The following IGSF21 variants were observed in gnomAD, a reference collection of about 807,000 sequenced individuals.
IGSF21 encodes immunoglobin superfamily member 21.
Under a neutral mutation model 46.8 loss-of-function variants are expected in IGSF21, and 28 were observed. The observed-to-expected ratio is 0.60, with a 90% CI of 0.44 to 0.82. IGSF21 has a LOEUF of 0.82. IGSF21 is among the 40% of genes least tolerant of loss of function. IGSF21 has a pLI of 0.00. For synonymous variants in IGSF21, 284 were observed against 273.6 expected (o/e 1.04, Z -0.38); for missense variants, 624 against 665.5 (o/e 0.94, Z 0.69).
intron 1 of IGSF21, 94 bp downstream of exon 1, chr1:18,108,292 C>G (rs1217187333): frequency 8.3e-7 from 1 of 1,208,878 alleles, no homozygotes; most frequent in East Asian, 3.3e-5. Flanking sequence ...CTCCGAGAGG[C>G]TCGGGCTACG....
rs1433594649 is a variant in IGSF21 at position 18,305,473 on chromosome 1, GGATGGATGGATGGAT to G, written c.305+13503_305+13517del. Among the ~76,000 whole-genome samples the G allele has an allele frequency of 2.0e-4, 28 of 141,184 alleles. No individual in the cohort carries two copies. In the East Asian group the frequency reaches 5.9e-3, roughly 30 times the overall value. 92.6% of individuals were successfully genotyped at this position (141,184 alleles called of 152,430 possible). On this transcript the variant is annotated intron_variant, in intron 3 of 9. Coordinates refer to ENST00000251296, the MANE Select transcript of IGSF21 (RefSeq NM_032880.5). ...ATGCATGCATGCATGGATGACAGAT[GGATGGATGGATGGAT>G]GATGGATGGATGGATGGATGGATGA...
chr1:18,285,678 A>G (rs2085206229), intron 2 of IGSF21, among the ~76,000 whole-genome samples: 1 of 152,190 alleles, frequency 6.6e-6, no homozygotes, highest in East Asian at 1.9e-4. Context: ...TGCTCTCAGC[A>G]TGGGGAAGAA....
chr1:18,274,213 A>G (rs1021134206), intron 2 of IGSF21, among the ~76,000 whole-genome samples: 6 of 152,212 alleles, frequency 3.9e-5, no homozygotes, highest in Non-Finnish European at 7.3e-5. Context: ...TCAGGTATCT[A>G]TGGCAAAGGC....
chr1:18,162,693 AC>A (rs2086638548), intron 1 of IGSF21, among the ~76,000 whole-genome samples: 1 of 152,132 alleles, frequency 6.6e-6, no homozygotes, highest in African/African-American at 2.4e-5. Context: ...TTGGGATGTA[AC>A]TCCACTGTAA....
intron 3 of IGSF21, among the ~76,000 whole-genome samples, chr1:18,292,726 C>T (rs1436322547): frequency 1.3e-5 from 2 of 152,192 alleles, no homozygotes; most frequent in African/African-American, 4.8e-5. Flanking sequence ...ATCTGGTAAA[C>T]TCCTCATCAG....
intron 4 of IGSF21, among the ~76,000 whole-genome samples, chr1:18,349,714 T>C (rs1198022174): frequency 6.6e-6 from 1 of 152,182 alleles, no homozygotes; most frequent in Non-Finnish European, 1.5e-5. Context: ...CTTTACGTAG[T>C]GCTCACAAGA....
intron 2 of IGSF21, among the ~76,000 whole-genome samples, chr1:18,266,529 A>T (rs2084991299): frequency 6.6e-6 from 1 of 152,204 alleles, no homozygotes. Flanking sequence ...GGACAACAGG[A>T]GTGACCAACT....
At chr1:18,143,150 G>C (rs1472381123) in intron 1 of IGSF21, among the ~76,000 whole-genome samples, 1 of 152,226 alleles carries the variant, frequency 6.6e-6, no homozygotes, top group Non-Finnish European at 1.5e-5. Context: ...CATCTGTAGA[G>C]GAGGACCCTG....
chr1:18,377,457 T>G, intron 9 of IGSF21, 26 bp downstream of exon 9: 1 of 1,605,214 alleles, frequency 6.2e-7, no homozygotes, highest in Non-Finnish European at 8.5e-7. Flanking sequence ...CAGGATTTTT[T>G]GCTTAAAAGG....
intron 3 of IGSF21, among the ~76,000 whole-genome samples, chr1:18,307,970 G>A (rs891881250): frequency 9.9e-5 from 15 of 152,194 alleles, no homozygotes; most frequent in South Asian, 4.2e-4. Flanking sequence ...AAATGCAATC[G>A]TCATCTTAAG....
At chr1:18,139,757 ACT>A (rs2086398737) in intron 1 of IGSF21, among the ~76,000 whole-genome samples, 1 of 151,258 alleles carries the variant, frequency 6.6e-6, no homozygotes, top group South Asian at 2.1e-4. Flanking sequence ...GCCTGGCTGT[ACT>A]CTCTGTATTT....
At chr1:18,128,422 G>T (rs1379479422) in intron 1 of IGSF21, among the ~76,000 whole-genome samples, 1 of 152,120 alleles carries the variant, frequency 6.6e-6, no homozygotes, top group Non-Finnish European at 1.5e-5. Flanking sequence ...GGCGTCTCCT[G>T]GCCAGGGCGT....
chr1:18,364,299 G>A (rs1416301738), intron 5 of IGSF21, among the ~76,000 whole-genome samples: 1 of 151,590 alleles, frequency 6.6e-6, no homozygotes, highest in Non-Finnish European at 1.5e-5. Flanking sequence ...ATAAATGGGG[G>A]AAAAAAAACC....
At chr1:18,266,998 T>C (rs1255031322) in intron 2 of IGSF21, among the ~76,000 whole-genome samples, 1 of 152,130 alleles carries the variant, frequency 6.6e-6, no homozygotes, top group East Asian at 1.9e-4. Context: ...GAGACAATAT[T>C]TGACCTCCAG....
At chr1:18,158,367 G>A (rs74055919) in intron 1 of IGSF21, among the ~76,000 whole-genome samples, 1 of 152,202 alleles carries the variant, frequency 6.6e-6, no homozygotes, top group Non-Finnish European at 1.5e-5. Context: ...GAGGTAAGAG[G>A]CATATAATGA....
chr1:18,150,610 C>A (rs991171458), intron 1 of IGSF21, among the ~76,000 whole-genome samples: 2 of 152,174 alleles, frequency 1.3e-5, no homozygotes, highest in South Asian at 4.1e-4. Flanking sequence ...TAACTTCATA[C>A]CTACTTCAGG....
chr1:18,112,222 C>T (rs185618766), intron 1 of IGSF21: 2 of 152,344 alleles, frequency 1.3e-5, no homozygotes, highest in African/African-American at 2.4e-5. Flanking sequence ...CCGCTATAGC[C>T]CCAGGCCACC....
intron 1 of IGSF21, among the ~76,000 whole-genome samples, chr1:18,118,716 GT>G (rs1212965446): frequency 6.6e-6 from 1 of 152,132 alleles, no homozygotes; most frequent in African/African-American, 2.4e-5. Flanking sequence ...CCTAGGGCCT[GT>G]TGCCTGGCTG....
rs372522550 is a variant in IGSF21 at position 18,169,964 on chromosome 1, C to T, written c.71-57934C>T. 9.2e-5 allele frequency among the ~76,000 whole-genome samples: 14 copies of T among 152,204 alleles called. No individual in the cohort carries two copies. The East Asian group carries it at 2.5e-3, about 27-fold the overall frequency. On this transcript the variant is annotated intron_variant, in intron 1 of 9. Transcript: ENST00000251296. ...AACCGGGAGAAGTTCAACAGAGCAG[C>T]GGTGCCAACAAGGTATGGCAGGTGG...
Sources: gnomAD v4.1 joint callset for allele counts (sites outside exome capture counted in the v4.1 genomes callset) on GRCh38, gnomAD v4.1.1 for gene constraint, MANE v1.5 for transcripts, NCBI Gene and HGNC (gene_info 2026-07-23, HGNC 2026-07-21) for gene names.